The following CDH12 variants were observed in gnomAD, a reference collection of about 807,000 sequenced individuals.
CDH12 encodes cadherin 12.
Under a neutral mutation model 74.1 loss-of-function variants are expected in CDH12, and 41 were observed. That is an observed-to-expected ratio of 0.55 (90% CI 0.43 to 0.72). The LOEUF is 0.72. CDH12 is among the 30% of genes least tolerant of loss of function. The pLI, the probability that CDH12 is intolerant of heterozygous loss-of-function variation, is 0.00. For synonymous variants in CDH12, 399 were observed against 355.0 expected, an observed-to-expected ratio of 1.12 and a Z score of -1.39; for missense variants, 945 against 977.2, an observed-to-expected ratio of 0.97 and a Z score of 0.44.
chr5:22,699,443 G>A lies in CDH12; in HGVS notation c.-523+153615C>T, dbSNP rs541493375. On this transcript the variant is annotated intron_variant, in intron 1 of 14. Transcript: ENST00000382254. The stretch of plus-strand genomic sequence containing the variant: ...TGTATCGAAATATCAGAAAGGCTTT[G>A]ATACACAAAAGCTCTAAATTATACG... Among the ~76,000 whole-genome samples the A allele has an allele frequency of 3.3e-5, 5 of 152,246 alleles. No individual in the cohort carries two copies. The East Asian group carries it at 9.7e-4, about 30-fold the overall frequency.
intron 1 of CDH12, among the ~76,000 whole-genome samples, chr5:22,688,983 T>A (rs1043108417): frequency 6.6e-6 from 1 of 152,142 alleles, no homozygotes; most frequent in African/African-American, 2.4e-5. Flanking sequence ...AATAATATAG[T>A]CTGCTTTGTA....
At position 21,966,121 on chromosome 5, in the gene CDH12, T is replaced by C. The variant is rs554334750; in HGVS notation, c.526+8970A>G. Among the ~76,000 whole-genome samples, 22 of 151,994 alleles carry C rather than the reference T, an allele frequency of 1.4e-4. 1 individual carries two copies. In the South Asian group the frequency reaches 4.6e-3, roughly 32 times the overall value. On this transcript the variant is annotated intron_variant, in intron 6 of 14. Transcript: ENST00000382254. ...TGTGGTGCTCACTTTTACCCTTCAT[T>C]TTACCTTGGGTCTTGCCATTTTCTT...
chr5:22,067,736 G>A (rs1388634116), intron 5 of CDH12, among the ~76,000 whole-genome samples: 1 of 152,124 alleles, frequency 6.6e-6, no homozygotes, highest in African/African-American at 2.4e-5. Context: ...GTCTTCATAA[G>A]ATATGAAGTA....
At chr5:22,433,041 A>G (rs1364942018) in intron 2 of CDH12, among the ~76,000 whole-genome samples, 3 of 152,244 alleles carry the variant, frequency 2.0e-5, no homozygotes, top group South Asian at 2.1e-4. Flanking sequence ...TTAGAATTCA[A>G]TACAGACCAA....
intron 3 of CDH12, among the ~76,000 whole-genome samples, chr5:22,328,164 T>G (rs1263633518): frequency 6.6e-6 from 1 of 152,232 alleles, no homozygotes; most frequent in Non-Finnish European, 1.5e-5. Flanking sequence ...CTGTGTACTT[T>G]ATAAACTTCT....
intron 1 of CDH12, among the ~76,000 whole-genome samples, chr5:22,518,271 T>G (rs1276439179): frequency 6.6e-6 from 1 of 152,246 alleles, no homozygotes; most frequent in African/African-American, 2.4e-5. Flanking sequence ...CTGTCAAATG[T>G]CTCATTCCTG....
At chr5:22,194,792 G>T (rs1181159531) in intron 4 of CDH12, among the ~76,000 whole-genome samples, 1 of 152,178 alleles carries the variant, frequency 6.6e-6, no homozygotes, top group Non-Finnish European at 1.5e-5. Flanking sequence ...GAGCAATGGG[G>T]ACCACGGGCA....
At chr5:22,322,381 T>C (rs975456468) in intron 3 of CDH12, among the ~76,000 whole-genome samples, 1 of 144,034 alleles carries the variant, frequency 6.9e-6, no homozygotes, top group South Asian at 2.2e-4. Context: ...AAAAAAAACA[T>C]GGTAATCTGC....
intron 3 of CDH12, among the ~76,000 whole-genome samples, chr5:22,354,220 G>A (rs187805917): frequency 5.5e-4 from 83 of 152,268 alleles, no homozygotes; most frequent in Middle Eastern, 6.8e-3. Context: ...GACAAAATAA[G>A]ACAGGAAATA....
At chr5:21,907,537 T>G (rs1239756253) in intron 6 of CDH12, among the ~76,000 whole-genome samples, 1 of 152,196 alleles carries the variant, frequency 6.6e-6, no homozygotes, top group Admixed American at 6.5e-5. Context: ...AAGCATATGA[T>G]TGCCACAACC....
intron 1 of CDH12, among the ~76,000 whole-genome samples, chr5:22,695,533 A>G (rs1009920657): frequency 6.6e-6 from 1 of 152,234 alleles, no homozygotes; most frequent in Non-Finnish European, 1.5e-5. Context: ...TCCCTATTTA[A>G]TAAATGGTGC....
intron 5 of CDH12, among the ~76,000 whole-genome samples, chr5:22,021,046 T>C (rs985013652): frequency 3.3e-5 from 5 of 152,136 alleles, no homozygotes; most frequent in East Asian, 1.9e-4. Flanking sequence ...ACGAGAAGTG[T>C]TTTGAATTTT....
At chr5:22,717,799 G>T (rs1743657108) in intron 1 of CDH12, among the ~76,000 whole-genome samples, 1 of 152,028 alleles carries the variant, frequency 6.6e-6, no homozygotes. Flanking sequence ...GTTTGCAATT[G>T]GGGGACCACT....
chr5:22,809,378 C>G (rs1045534421), intron 1 of CDH12, among the ~76,000 whole-genome samples: 1 of 151,186 alleles, frequency 6.6e-6, no homozygotes, highest in Non-Finnish European at 1.5e-5. Flanking sequence ...CAATATAATC[C>G]TATATAAAAT....
intron 1 of CDH12, among the ~76,000 whole-genome samples, chr5:22,821,586 C>T (rs1749702114): frequency 6.6e-6 from 1 of 152,030 alleles, no homozygotes; most frequent in Non-Finnish European, 1.5e-5. Context: ...TCTTATACAC[C>T]AATAACAGAC....
At chr5:22,653,455 GAA>G (rs79277022) in intron 1 of CDH12, among the ~76,000 whole-genome samples, 1 of 138,542 alleles carries the variant, frequency 7.2e-6, no homozygotes, top group Non-Finnish European at 1.6e-5. Flanking sequence ...GATCAAAAAG[GAA>G]AAAAAAAAAA....
chr5:21,836,582 T>A (rs2149979181), intron 8 of CDH12, among the ~76,000 whole-genome samples: 1 of 151,924 alleles, frequency 6.6e-6, no homozygotes, highest in Non-Finnish European at 1.5e-5. Flanking sequence ...TTTGTTTTCC[T>A]ATTTCTTACA....
chr5:22,199,732 GTC>G (rs1390208116), intron 4 of CDH12, among the ~76,000 whole-genome samples: 13 of 152,126 alleles, frequency 8.5e-5, no homozygotes, highest in Non-Finnish European at 1.6e-4. Flanking sequence ...CAAGAGATAT[GTC>G]TCTATTATTT....
At chr5:22,724,177 C>T (rs969918552) in intron 1 of CDH12, among the ~76,000 whole-genome samples, 9 of 151,624 alleles carry the variant, frequency 5.9e-5, no homozygotes, top group African/African-American at 2.2e-4. Flanking sequence ...TCACTTTTTC[C>T]CCTAAACTTG....
Sources: allele counts gnomAD v4.1 joint callset (sites outside exome capture counted in the v4.1 genomes callset), GRCh38; gene constraint gnomAD v4.1.1; transcripts MANE v1.5; gene names NCBI Gene and HGNC (gene_info 2026-07-23, HGNC 2026-07-21).